SCMH1: variants seen among roughly 807,000 people sequenced by gnomAD.
SCMH1 encodes the protein polycomb protein SCMH1.
A neutral mutation model predicts 70.8 loss-of-function variants in SCMH1; 37 were observed. The ratio of observed to expected loss-of-function variants is 0.52; its 90% CI spans 0.40 to 0.69. The LOEUF (loss-of-function observed/expected upper bound fraction) is 0.69, where lower values mean the gene tolerates loss of function less well. SCMH1 is among the 30% of genes least tolerant of loss of function. SCMH1 has a pLI of 0.00. For missense variants in SCMH1, 607 were observed against 827.3 expected, an observed-to-expected ratio of 0.73 and a Z score of 3.27; for synonymous variants, 292 against 307.4, an observed-to-expected ratio of 0.95 and a Z score of 0.52.
At chr1:41,119,361 T>C (rs1395517004) in intron 6 of SCMH1, among the ~76,000 whole-genome samples, 1 of 151,912 alleles carries the variant, frequency 6.6e-6, no homozygotes, top group East Asian at 1.9e-4. Context: ...TCAACAGCAA[T>C]GTGGACTTTC....
In SCMH1 at chr1:41,146,749, T is replaced by C. The variant is rs147666460; in HGVS notation, c.178-3637A>G. 3.6e-4 allele frequency among the ~76,000 whole-genome samples: 55 copies of C among 152,246 alleles called. No individual in the cohort carries two copies. In the East Asian group the frequency reaches 8.1e-3, roughly 22 times the overall value. ...ATTCTATGTTCACACGACGATGAAA[T>C]TGCTTAACAATTCATTTCTCAGAGC... On this transcript the variant is annotated intron_variant, in intron 5 of 14. Transcript: ENST00000337495.
chr1:41,194,745 T>A (rs1557790927), intron 1 of SCMH1, among the ~76,000 whole-genome samples: 1 of 151,790 alleles, frequency 6.6e-6, no homozygotes, highest in Non-Finnish European at 1.5e-5. Flanking sequence ...ACTTTAAAGG[T>A]GCATCTACAC....
chr1:41,209,267 A>T (rs1377709603), intron 1 of SCMH1, among the ~76,000 whole-genome samples: 2 of 152,236 alleles, frequency 1.3e-5, no homozygotes, highest in African/African-American at 4.8e-5. Context: ...ATGGATTCAC[A>T]GTTGAACTCT....
chr1:41,067,869 T>G (rs926092721), intron 10 of SCMH1, among the ~76,000 whole-genome samples: 1 of 152,126 alleles, frequency 6.6e-6, no homozygotes, highest in African/African-American at 2.4e-5. Context: ...GTGGAGGATG[T>G]TGATGAATGG....
intron 1 of SCMH1, among the ~76,000 whole-genome samples, chr1:41,235,046 T>C (rs1573306655): frequency 6.6e-6 from 1 of 152,178 alleles, no homozygotes; most frequent in Non-Finnish European, 1.5e-5. Flanking sequence ...CCCAAAGTGC[T>C]GGACTTACAG....
At position 41,028,338 on chromosome 1, in the gene SCMH1, G is replaced by A. The variant is rs772488649; in HGVS notation, c.1822-19C>T. ...CGATCTCCTGGGGGGTGGGGAGGTG[G>A]GCAGAAGTGGAAGGGAGGCACCATC... On this transcript the variant is annotated intron_variant, in intron 14 of 14. Coordinates refer to ENST00000337495, the Ensembl canonical transcript of SCMH1. 1 of 1,613,178 alleles carries A rather than the reference G, an allele frequency of 6.2e-7. No individual in the cohort carries two copies. The highest frequency in any genetic ancestry group is 1.7e-5 in the Admixed American group (1 of 59,968).
intron 13 of SCMH1, among the ~76,000 whole-genome samples, chr1:41,032,724 A>C (rs917316706): frequency 6.6e-6 from 1 of 152,214 alleles, no homozygotes; most frequent in African/African-American, 2.4e-5. Context: ...TCATGCCTGT[A>C]ATCGCAGCAC....
chr1:41,091,487 C>T (rs527626672), intron 8 of SCMH1, among the ~76,000 whole-genome samples: 1 of 152,244 alleles, frequency 6.6e-6, no homozygotes, highest in Admixed American at 6.5e-5. Context: ...AGAAGGGAAG[C>T]CCTCTCTCAC....
At chr1:41,033,795 A>G (rs1464984304) in intron 13 of SCMH1, among the ~76,000 whole-genome samples, 188 bp downstream of exon 14, 2 of 152,198 alleles carry the variant, frequency 1.3e-5, no homozygotes, top group Non-Finnish European at 2.9e-5. Context: ...GAAGACCATC[A>G]GGCTGTAAAG....
At chr1:41,030,158 T>C (rs1644316062) in intron 13 of SCMH1, among the ~76,000 whole-genome samples, 1 of 152,148 alleles carries the variant, frequency 6.6e-6, no homozygotes, top group Non-Finnish European at 1.5e-5. Context: ...CAGGCTGCAG[T>C]GAGCTGTGAG....
At chr1:41,112,770 G>A (rs901094621) in intron 8 of SCMH1, among the ~76,000 whole-genome samples, 25 of 152,116 alleles carry the variant, frequency 1.6e-4, no homozygotes, top group Non-Finnish European at 1.2e-4. Flanking sequence ...GTAGTTTAAG[G>A]AGGTAAATTA....
chr1:41,155,359 C>T (rs1418307635), intron 4 of SCMH1, among the ~76,000 whole-genome samples: 1 of 152,088 alleles, frequency 6.6e-6, no homozygotes, highest in African/African-American at 2.4e-5. Flanking sequence ...AAGCCTGGTT[C>T]TAGGCACTGG....
chr1:41,092,393 A>C (rs573258720), intron 8 of SCMH1, among the ~76,000 whole-genome samples: 1 of 152,368 alleles, frequency 6.6e-6, no homozygotes, highest in South Asian at 2.1e-4. Flanking sequence ...TAAAGACTTA[A>C]ATGTTAGACC....
At chr1:41,054,532 G>C (rs1649514789) in intron 10 of SCMH1, among the ~76,000 whole-genome samples, 1 of 152,288 alleles carries the variant, frequency 6.6e-6, no homozygotes, top group East Asian at 1.9e-4. Context: ...AATTCTTTAA[G>C]ATGTAAGAAA....
At chr1:41,198,132 G>A (rs1653468791) in intron 1 of SCMH1, among the ~76,000 whole-genome samples, 1 of 152,150 alleles carries the variant, frequency 6.6e-6, no homozygotes, top group South Asian at 2.1e-4. Context: ...ATTAATGTAA[G>A]TAAGTGTCTG....
At chr1:41,128,088 T>C (rs1673679377) in intron 6 of SCMH1, among the ~76,000 whole-genome samples, 1 of 152,230 alleles carries the variant, frequency 6.6e-6, no homozygotes, top group East Asian at 1.9e-4. Context: ...CTGCTCAGTC[T>C]GCCTATTCAT....
chr1:41,206,149 G>T (rs1470922609), intron 1 of SCMH1, among the ~76,000 whole-genome samples: 1 of 152,162 alleles, frequency 6.6e-6, no homozygotes, highest in Non-Finnish European at 1.5e-5. Flanking sequence ...CCAAAGGATC[G>T]CAGCTCCTCA....
At chr1:41,196,222 A>G (rs1474618020) in intron 1 of SCMH1, among the ~76,000 whole-genome samples, 1 of 152,168 alleles carries the variant, frequency 6.6e-6, no homozygotes, top group East Asian at 1.9e-4. Context: ...GTTGTCCTAA[A>G]ATTCACAAAG....
intron 6 of SCMH1, among the ~76,000 whole-genome samples, chr1:41,137,114 G>A (rs1384611057): frequency 6.6e-6 from 1 of 151,860 alleles, no homozygotes; most frequent in East Asian, 1.9e-4. Context: ...TTGAATTATT[G>A]CTTTTCTGTT....
Sources: gnomAD v4.1 joint callset for allele counts (sites outside exome capture counted in the v4.1 genomes callset) on GRCh38, gnomAD v4.1.1 for gene constraint, MANE v1.5 for transcripts, NCBI Gene and HGNC (gene_info 2026-07-23, HGNC 2026-07-21) for gene names.